ABCC6: variants seen among roughly 807,000 people sequenced by gnomAD.
ABCC6 encodes ATP binding cassette subfamily C member 6, also known as ATP-binding cassette sub-family C member 6.
Under a neutral mutation model 169.5 loss-of-function variants are expected in ABCC6, and 126 were observed. That is an observed-to-expected ratio of 0.74 (90% CI 0.64 to 0.86). The LOEUF (loss-of-function observed/expected upper bound fraction) is 0.86, where lower values mean the gene tolerates loss of function less well. ABCC6 is among the 40% of genes least tolerant of loss of function. The pLI, the probability that ABCC6 is intolerant of heterozygous loss-of-function variation, is 0.00. For synonymous variants in ABCC6, 752 were observed against 814.7 expected, an observed-to-expected ratio of 0.92 and a Z score of 1.31; for missense variants, 1,733 against 1,927.2, an observed-to-expected ratio of 0.90 and a Z score of 1.89.
At chr16:16,173,445 C>T in intron 20 of ABCC6, 41 bp from the exon 21 acceptor site, 1 of 1,613,818 alleles carries the variant, frequency 6.2e-7, no homozygotes, top group Non-Finnish European at 8.5e-7. Context: ...AGTATCTCTC[C>T]CAATGGTGGG....
chr16:16,216,501 G>C (rs2048880126), intron 4 of ABCC6, among the ~76,000 whole-genome samples: 1 of 151,436 alleles, frequency 6.6e-6, no homozygotes, highest in African/African-American at 2.4e-5. Flanking sequence ...TGTTGAAAAT[G>C]ACAGTACCTC....
intron 29 of ABCC6, among the ~76,000 whole-genome samples, chr16:16,153,372 A>G (rs2046444933): frequency 6.6e-6 from 1 of 152,192 alleles, no homozygotes; most frequent in Admixed American, 6.5e-5. Context: ...AAAGGTAGAG[A>G]ATCTGACACA....
intron 13 of ABCC6, among the ~76,000 whole-genome samples, chr16:16,188,487 A>T (rs1205282557): frequency 6.6e-6 from 1 of 152,188 alleles, no homozygotes; most frequent in Admixed American, 6.5e-5. Flanking sequence ...AGGACTAGAG[A>T]TAGCAAAGGA....
In ABCC6 at chr16:16,214,454, G is replaced by A; in HGVS notation, c.475-5C>T. On this transcript the variant is annotated splice_polypyrimidine_tract_variant and splice_region_variant and intron_variant, in intron 4 of 30. Coordinates refer to ENST00000205557, the MANE Select transcript of ABCC6 (RefSeq NM_001171.6). ...GACAGGGTCGCTCTGGAAGCCCTGT[G>A]GGAGGGAAAGCAGAAGATAAGGAAT... The A allele has an allele frequency of 6.4e-7, 1 of 1,551,878 alleles. No individual in the cohort carries two copies.
intron 15 of ABCC6, among the ~76,000 whole-genome samples, chr16:16,184,597 T>C (rs2047587691): frequency 6.6e-6 from 1 of 152,144 alleles, no homozygotes. Context: ...CTCGGACTGA[T>C]ACAGGAGGCA....
chr16:16,183,417 G>A (rs545586276), intron 15 of ABCC6, among the ~76,000 whole-genome samples: 2 of 151,938 alleles, frequency 1.3e-5, no homozygotes, highest in Admixed American at 6.5e-5. Context: ...TCCTGTCCAC[G>A]TCCCACAGCC....
Position 16,161,547 on chromosome 16 carries a change from A to G in ABCC6, c.3524T>C (p.Val1175Ala), listed in dbSNP as rs376062004. The G allele has an allele frequency of 4.0e-5, 65 of 1,613,662 alleles. No homozygotes were observed. The South Asian group carries it at 6.4e-4, about 16-fold the overall frequency. The change falls in exon 25 of 31, where the codon GTG becomes GCG. Residue 1175 changes from valine (V) to alanine (A), a missense_variant. Val to Ala is a moderately conservative substitution (Grantham distance 64, BLOSUM62 0). Around this residue, in one of 5 missense-constraint regions of ABCC6, gnomAD observed 1,601 missense variants for 1,635.5 expected, o/e 0.98. Coordinates refer to ENST00000205557, the MANE Select transcript of ABCC6 (RefSeq NM_001171.6). ...LVADRWLAANVELLGNGLVFA... is the reference protein window; with the variant it reads ...LVADRWLAANAELLGNGLVFA... ...CACCAGGCCATTCCCCAGGAGCTCC[A>G]CATTGGCCGCAAGCCACCTGCAAAG... is the stretch of plus-strand genomic sequence containing the variant.
chr16:16,191,668 C>A (rs893114643), intron 11 of ABCC6, among the ~76,000 whole-genome samples: 2 of 148,856 alleles, frequency 1.3e-5, no homozygotes, highest in African/African-American at 5.0e-5. Context: ...CTCCCTCCCC[C>A]CTTTCTTCCT....
In ABCC6 at chr16:16,150,657, C is replaced by T. The variant is rs1462269230; in HGVS notation, c.4324G>A (p.Ala1442Thr). Reference sequence around the variant, plus strand: ...TGTGCAAACCAGCTCCCGAGCATGGCCTGCATCTGCAGCTCCGTGCCAGGG... The same window carrying T: ...TGTGCAAACCAGCTCCCGAGCATGGTCTGCATCTGCAGCTCCGTGCCAGGG... ...VDPGTELQMQAMLGSWFAQCT... is the reference protein window; with the variant it reads ...VDPGTELQMQTMLGSWFAQCT... Residue 1442 changes from alanine (A) to threonine (T), a missense_variant, in exon 30 of 31, where the codon GCC becomes ACC. Transcript: ENST00000205557. The T allele has an allele frequency of 1.2e-6, 2 of 1,613,524 alleles. No homozygotes were observed. Among genetic ancestry groups the T allele is most frequent in the Non-Finnish European group, 1.7e-6 (2 of 1,179,912 alleles).
chr16:16,171,858 T>C (rs1451688614), intron 21 of ABCC6, among the ~76,000 whole-genome samples: 1 of 119,220 alleles, frequency 8.4e-6, no homozygotes, highest in Non-Finnish European at 1.7e-5. Flanking sequence ...GATAAATGAG[T>C]TGGTGGGAGG....
intron 15 of ABCC6, among the ~76,000 whole-genome samples, chr16:16,184,535 T>G (rs895684871): frequency 2.0e-5 from 3 of 152,164 alleles, no homozygotes; most frequent in African/African-American, 4.8e-5. Flanking sequence ...TGTCTGAGAT[T>G]TTTGGCCACA....
chr16:16,214,474 A>G, intron 4 of ABCC6, 25 bp from the exon 5 acceptor site: 1 of 1,551,828 alleles, frequency 6.4e-7, no homozygotes, highest in Non-Finnish European at 8.7e-7. Context: ...GCAGAAGATA[A>G]GGAATGGAGA....
intron 12 of ABCC6, 124 bp downstream of exon 12, chr16:16,190,040 C>T: frequency 4.0e-6 from 4 of 993,004 alleles, no homozygotes; most frequent in Non-Finnish European, 6.2e-6. Context: ...AGAACAGGAT[C>T]CAGAATGAGT....
At chr16:16,150,372 TCA>T in intron 30 of ABCC6, 131 bp from the exon 31 acceptor site, 4 of 1,538,174 alleles carry the variant, frequency 2.6e-6, no homozygotes, top group Non-Finnish European at 3.5e-6. Context: ...TCCCTGGCCC[TCA>T]CAGCTGGGTT....
rs41278172 is a variant in ABCC6, at chr16:16,161,567, G to A, written c.3507-3C>T. The stretch of plus-strand genomic sequence containing the variant: ...GCTCCACATTGGCCGCAAGCCACCT[G>A]CAAAGGGAAGCGACAGCAGGGTGAG... On this transcript the variant is annotated splice_region_variant and splice_polypyrimidine_tract_variant and intron_variant, in intron 24 of 30. Transcript: ENST00000205557. 0.018 allele frequency: 28,859 copies of A among 1,613,868 alleles called. 357 individuals carry two copies. The highest frequency in any genetic ancestry group is 0.022 in the South Asian group (1,997 of 91,084).
rs1167869456 is a variant in ABCC6 at position 16,221,653 on chromosome 16, T to A, written c.215A>T (p.Lys72Met). The A allele has an allele frequency of 1.9e-6, 3 of 1,613,962 alleles. No homozygotes were observed. Among genetic ancestry groups the A allele is most frequent in the Non-Finnish European group, 2.5e-6 (3 of 1,179,858 alleles). The change falls in exon 2 of 31, where the codon AAG becomes ATG. Residue 72 changes from lysine (K) to methionine (M), a missense_variant. Physicochemically the swap from Lys to Met is moderately conservative, Grantham distance 95 (BLOSUM62 -1). Transcript: ENST00000205557. ...GCTCCCAGGGATGGCAGCTACCATC[T>A]TGGCTTTGAAGAGTGGGGACATCCG... Reference protein sequence around the residue: ...YLRMSPLFKAKMVLGFALIVL... With the variant: ...YLRMSPLFKAMMVLGFALIVL...
chr16:16,205,611 C>T (rs1356679955), intron 7 of ABCC6, among the ~76,000 whole-genome samples: 1 of 152,042 alleles, frequency 6.6e-6, no homozygotes. Context: ...GCATTTGGAT[C>T]TCAAAGCCAA....
chr16:16,159,490 G>A lies in ABCC6; in HGVS notation c.3727C>T (p.Pro1243Ser). The change falls in exon 26 of 31, where the codon CCC (proline) becomes TCC (serine). Residue 1243 changes from proline to serine, a missense_variant. By Grantham distance (74) the Pro-to-Ser change is moderately conservative (BLOSUM62 -1). Coordinates refer to ENST00000205557, the MANE Select transcript of ABCC6 (RefSeq NM_001171.6). ...CACCTCCCGCCCATCACCTCCTTGG[G>A]CGTCCAGGCATAGTCCTGCATCCGC... ...VERMQDYAWT[P>S]KEAPWRLPTC... The A allele has an allele frequency of 6.2e-7, 1 of 1,613,780 alleles. No individual in the cohort carries two copies. Among genetic ancestry groups the A allele is most frequent in the Non-Finnish European group, 8.5e-7 (1 of 1,179,918 alleles).
intron 18 of ABCC6, among the ~76,000 whole-genome samples, chr16:16,178,275 G>A (rs191035756): frequency 5.3e-5 from 8 of 152,076 alleles, no homozygotes; most frequent in East Asian, 3.9e-4. Flanking sequence ...TCCAGTGAGC[G>A]GAGATCGCAC....
Sources: gnomAD v4.1 joint callset for allele counts (sites outside exome capture counted in the v4.1 genomes callset) on GRCh38, gnomAD v4.1.1 for gene constraint, gnomAD v4.1.1 regional missense constraint, MANE v1.5 for transcripts, NCBI Gene and HGNC (gene_info 2026-07-23, HGNC 2026-07-21) for gene names.